TBC1D10A: variants seen among roughly 807,000 people sequenced by gnomAD.
TBC1D10A encodes the protein EBP50-PDX interactor of 64 kDa.
In TBC1D10A, 24 loss-of-function variants were observed where a neutral mutation model predicts 52.9. That is an observed-to-expected ratio of 0.45 (90% CI 0.33 to 0.64). TBC1D10A has a LOEUF of 0.64. Ranked by LOEUF, TBC1D10A falls within the 30% of genes least tolerant of loss-of-function variation. The probability of loss-of-function intolerance (pLI) is 0.02; values close to 1 mark genes in which losing one functional copy is unlikely to be tolerated. For missense variants in TBC1D10A, 602 were observed against 687.9 expected (o/e 0.88, Z 1.40); for synonymous variants, 278 against 282.9 (o/e 0.98, Z 0.17).
rs533938116 is a variant in TBC1D10A at position 30,292,170 on chromosome 22, G to C, written c.*205C>G. Reference sequence around the variant, plus strand: ...CTGCCTGCCCTGGCTGGGCCAGCCTGAGTGCCACTGTAAAGAAAATAAATA... The same window carrying C: ...CTGCCTGCCCTGGCTGGGCCAGCCTCAGTGCCACTGTAAAGAAAATAAATA... On this transcript the variant is annotated 3_prime_UTR_variant, in exon 9 of 9. Coordinates refer to ENST00000215790, the MANE Select transcript of TBC1D10A (RefSeq NM_031937.3). 1 of 504,724 alleles carries C rather than the reference G, an allele frequency of 2.0e-6. No individual in the cohort carries two copies. The highest frequency in any genetic ancestry group is 2.0e-5 in the African/African-American group (1 of 50,942). 31.3% of individuals were successfully genotyped at this position (504,724 alleles called of 1,614,324 possible).
At chr22:30,304,402 T>G (rs575030546) in intron 2 of TBC1D10A, 129 bp downstream of exon 2, 32 of 1,485,358 alleles carry the variant, frequency 2.2e-5, no homozygotes, top group Middle Eastern at 1.7e-4. Context: ...CACTGGCAGT[T>G]GGAGGACACC....
intron 8 of TBC1D10A, 133 bp downstream of exon 8, chr22:30,293,518 A>G: frequency 7.7e-7 from 1 of 1,301,072 alleles, no homozygotes; most frequent in Non-Finnish European, 1.1e-6. Context: ...GTCCACCCAC[A>G]TGTTCTGTGT....
Position 30,326,280 on chromosome 22 carries a change from G to C in TBC1D10A, c.209+393C>G, listed in dbSNP as rs1352264962. On this transcript the variant is annotated intron_variant, in intron 1 of 8. Coordinates refer to ENST00000215790, the MANE Select transcript of TBC1D10A (RefSeq NM_031937.3). ...AGATGGAGAATGAGTGTCTATGGAG[G>C]GGGGCGCCAGCCATCTGGGAGCCTG... is the stretch of plus-strand genomic sequence containing the variant. 5.9e-5 allele frequency among the ~76,000 whole-genome samples: 9 copies of C among 151,696 alleles called. No homozygotes were observed. In the East Asian group the frequency reaches 1.8e-3, roughly 30 times the overall value.
chr22:30,301,224 CCCGTCAAGG>C (rs1930195655), intron 2 of TBC1D10A, among the ~76,000 whole-genome samples: 1 of 152,160 alleles, frequency 6.6e-6, no homozygotes, highest in South Asian at 2.1e-4. Context: ...GTTGCCCTGA[CCCGTCAAGG>C]TGGGCAAGGA....
chr22:30,311,899 C>G (rs1930433561), intron 1 of TBC1D10A, among the ~76,000 whole-genome samples: 1 of 152,082 alleles, frequency 6.6e-6, no homozygotes, highest in South Asian at 2.1e-4. Flanking sequence ...CTTAAGCCAT[C>G]CTCCCACCTC....
intron 1 of TBC1D10A, among the ~76,000 whole-genome samples, chr22:30,319,213 C>T (rs757867): frequency 0.97 from 147,617 of 152,314 alleles, 71,554 homozygotes; most frequent in East Asian, 1. Context: ...TAGGCTCCTG[C>T]AGGTGGGGCT....
At chr22:30,321,766 A>T (rs1426837629) in intron 1 of TBC1D10A, among the ~76,000 whole-genome samples, 1 of 151,674 alleles carries the variant, frequency 6.6e-6, no homozygotes, top group Non-Finnish European at 1.5e-5. Context: ...AAGGAGAAGA[A>T]GGTCAGGGAC....
In TBC1D10A at chr22:30,304,629, G is replaced by C. The variant is rs948314201; in HGVS notation, c.211C>G (p.Leu71Val). 9 of 1,613,788 alleles carry C rather than the reference G, an allele frequency of 5.6e-6. No homozygotes were observed. Among genetic ancestry groups the C allele is most frequent in the Non-Finnish European group, 6.8e-6 (8 of 1,179,916 alleles). The change falls in exon 2 of 9, where the codon CTG becomes GTG. Residue 71 changes from leucine to valine, a missense_variant and splice_region_variant. Coordinates refer to ENST00000215790, the MANE Select transcript of TBC1D10A (RefSeq NM_031937.3). ...IVGSQGAEGA[L>V]EEVPLEVLRQ... ...AGCACCTCCAGGGGTACTTCCTCCA[G>C]CCTGTGGAGCAGAGGGCAGGGCCTG...
At chr22:30,303,062 C>T (rs1930235579) in intron 2 of TBC1D10A, among the ~76,000 whole-genome samples, 1 of 152,246 alleles carries the variant, frequency 6.6e-6, no homozygotes, top group Non-Finnish European at 1.5e-5. Context: ...ACATGGATTG[C>T]TTGAGCTCAG....
chr22:30,310,845 C>T (rs1192334962), intron 1 of TBC1D10A, among the ~76,000 whole-genome samples: 1 of 152,194 alleles, frequency 6.6e-6, no homozygotes, highest in Non-Finnish European at 1.5e-5. Flanking sequence ...CCGCTCATAC[C>T]ATGGCTTCAA....
In TBC1D10A at chr22:30,292,701, G is replaced by A. The variant is rs11538653; in HGVS notation, c.1201C>T (p.Arg401Trp). The A allele has an allele frequency of 3.1e-4, 503 of 1,607,380 alleles. 1 individual carries two copies. Among genetic ancestry groups the A allele is most frequent in the East Asian group, 4.5e-4 (20 of 44,768 alleles). The change falls in exon 9 of 9, where the codon CGG (arginine) becomes TGG (tryptophan). Residue 401 changes from arginine to tryptophan, a missense_variant. Physicochemically the swap from Arg to Trp is moderately radical, Grantham distance 101. This residue lies in a region of TBC1D10A where 265 missense variants were observed against 275.1 expected (regional missense o/e 0.96). Coordinates refer to ENST00000215790, the MANE Select transcript of TBC1D10A (RefSeq NM_031937.3). ...KAILDAEPGP[R>W]PALQPSPSIR... is the part of the protein sequence containing the mutation. ...GATGGTGAAGGTTGTAGGGCAGGCC[G>A]GGGACCAGGTTCTGCATCCAAGATA...
In TBC1D10A at chr22:30,292,530, C is replaced by A. The variant is rs780447906; in HGVS notation, c.1372G>T (p.Ala458Ser). ...PPAPNQAMVV[A>S]AAGDACPPQH... The stretch of plus-strand genomic sequence containing the variant: ...GGGGGACATGCATCTCCTGCAGCGG[C>A]CACCACCATGGCTTGATTTGGGGCT... Residue 458 changes from alanine to serine, a missense_variant, in exon 9 of 9, where the codon GCC (alanine) becomes TCC (serine). Around this residue, in one of 3 missense-constraint regions of TBC1D10A, gnomAD observed 265 missense variants for 275.1 expected, o/e 0.96. Coordinates refer to ENST00000215790, the MANE Select transcript of TBC1D10A (RefSeq NM_031937.3). 34 of 1,612,808 alleles carry A rather than the reference C, an allele frequency of 2.1e-5. No homozygotes were observed. The South Asian group carries it at 3.5e-4, about 17-fold the overall frequency.
At chr22:30,313,767 T>A (rs1335593062) in intron 1 of TBC1D10A, among the ~76,000 whole-genome samples, 2 of 151,776 alleles carry the variant, frequency 1.3e-5, no homozygotes, top group Admixed American at 6.6e-5. Flanking sequence ...TCATTAAGTG[T>A]TGTCAGCAGT....
rs1265175542 is a variant in TBC1D10A, at chr22:30,292,554, C to T, written c.1348G>A (p.Ala450Thr). The T allele has an allele frequency of 1.2e-6, 2 of 1,613,452 alleles. No individual in the cohort carries two copies. The highest frequency in any genetic ancestry group is 1.7e-6 in the Non-Finnish European group (2 of 1,179,896). Reference protein sequence around the residue: ...KGRGQLEKPPAPNQAMVVAAA... With the variant: ...KGRGQLEKPPTPNQAMVVAAA... ...GCCACCACCATGGCTTGATTTGGGG[C>T]TGGGGGCTTCTCCAGCTGCCCTCTC... The change falls in exon 9 of 9, where the codon GCC becomes ACC. Residue 450 changes from alanine to threonine, a missense_variant. By Grantham distance (58) the Ala-to-Thr change is moderately conservative. Around this residue, in one of 3 missense-constraint regions of TBC1D10A, gnomAD observed 265 missense variants for 275.1 expected, o/e 0.96. Transcript: ENST00000215790.
chr22:30,319,585 G>C (rs976185189), intron 1 of TBC1D10A, among the ~76,000 whole-genome samples: 12 of 152,228 alleles, frequency 7.9e-5, no homozygotes, highest in African/African-American at 2.7e-4. Context: ...GCACAGAATG[G>C]AGTAGGGTAG....
At chr22:30,293,546 G>T (rs1258903521) in intron 8 of TBC1D10A, 105 bp downstream of exon 8, 13 of 1,479,838 alleles carry the variant, frequency 8.8e-6, no homozygotes, top group South Asian at 1.3e-5. Flanking sequence ...CAATGGTCCT[G>T]GCATAGGATC....
rs748955631 is a variant in TBC1D10A at position 30,292,536 on chromosome 22, C to T, written c.1366G>A (p.Val456Met). Residue 456 changes from valine (V) to methionine (M), a missense_variant, in exon 9 of 9, where the codon GTG becomes ATG. By Grantham distance (21) the Val-to-Met change is conservative. Around this residue, in one of 3 missense-constraint regions of TBC1D10A, gnomAD observed 265 missense variants for 275.1 expected, o/e 0.96. Coordinates refer to ENST00000215790, the MANE Select transcript of TBC1D10A (RefSeq NM_031937.3). Reference sequence around the variant, plus strand: ...CATGCATCTCCTGCAGCGGCCACCACCATGGCTTGATTTGGGGCTGGGGGC... The same window carrying T: ...CATGCATCTCCTGCAGCGGCCACCATCATGGCTTGATTTGGGGCTGGGGGC... ...EKPPAPNQAM[V>M]VAAAGDACPP... The T allele has an allele frequency of 3.1e-6, 5 of 1,613,300 alleles. No individual in the cohort carries two copies. The East Asian group carries it at 8.9e-5, about 29-fold the overall frequency.
chr22:30,319,259 A>G (rs2145784426), intron 1 of TBC1D10A, among the ~76,000 whole-genome samples: 1 of 152,272 alleles, frequency 6.6e-6, no homozygotes, highest in East Asian at 1.9e-4. Flanking sequence ...GAGCAACTGC[A>G]TGCCTCAATG....
intron 1 of TBC1D10A, among the ~76,000 whole-genome samples, chr22:30,317,006 T>C (rs1329209587): frequency 6.6e-6 from 1 of 151,874 alleles, no homozygotes; most frequent in East Asian, 1.9e-4. Context: ...ACCACTGCAT[T>C]CCAGCCTGGG....
Sources: allele counts gnomAD v4.1 joint callset (sites outside exome capture counted in the v4.1 genomes callset), GRCh38; gene constraint gnomAD v4.1.1; regional missense constraint gnomAD v4.1.1; transcripts MANE v1.5; gene names NCBI Gene and HGNC (gene_info 2026-07-23, HGNC 2026-07-21).